The following RAD51 variants were observed in gnomAD, a reference collection of about 807,000 sequenced individuals.
The protein encoded by RAD51 is RAD51 recombinase.
A neutral mutation model predicts 41.5 loss-of-function variants in RAD51; 14 were observed. The ratio of observed to expected loss-of-function variants is 0.34; its 90% CI spans 0.22 to 0.53. The LOEUF (loss-of-function observed/expected upper bound fraction) is 0.53, where lower values mean the gene tolerates loss of function less well. Among genes scored for constraint, RAD51 ranks in the 20% least tolerant of loss-of-function variants. The pLI is 0.95. For missense variants in RAD51, 234 were observed against 422.0 expected, an observed-to-expected ratio of 0.55 and a Z score of 3.90; for synonymous variants, 136 against 148.6, an observed-to-expected ratio of 0.92 and a Z score of 0.62.
intron 5 of RAD51, among the ~76,000 whole-genome samples, chr15:40,716,752 C>T (rs1896012278): frequency 6.6e-6 from 1 of 150,742 alleles, no homozygotes; most frequent in Non-Finnish European, 1.5e-5. Context: ...GCTCTGCCTC[C>T]CAGGTTCACG....
chr15:40,709,266 C>A, intron 5 of RAD51, 150 bp downstream of exon 5: 7 of 648,236 alleles, frequency 1.1e-5, no homozygotes, highest in Non-Finnish European at 1.6e-5. Flanking sequence ...ACTCCTACTT[C>A]AAAATCCTTC....
intron 8 of RAD51, 45 bp downstream of exon 8, chr15:40,729,679 G>A (rs754218607): frequency 6.2e-7 from 1 of 1,612,800 alleles, no homozygotes; most frequent in Non-Finnish European, 8.5e-7. Context: ...TTCAGTGGCT[G>A]TGAATTCCAG....
intron 6 of RAD51, among the ~76,000 whole-genome samples, chr15:40,722,529 AGTT>A (rs148570921): frequency 0.082 from 12,381 of 151,700 alleles, 592 homozygotes; most frequent in African/African-American, 0.13. Context: ...GAGACTGGGG[AGTT>A]GTTGTTTAAT....
chr15:40,714,378 G>A (rs1895880391), intron 5 of RAD51, among the ~76,000 whole-genome samples: 1 of 152,132 alleles, frequency 6.6e-6, no homozygotes, highest in Non-Finnish European at 1.5e-5. Context: ...CCCATGTTTT[G>A]ACAGGGACTT....
chr15:40,730,641 C>T (rs747912954), intron 9 of RAD51, among the ~76,000 whole-genome samples: 21 of 150,222 alleles, frequency 1.4e-4, no homozygotes, highest in Non-Finnish European at 2.4e-4. Context: ...CCTGCCTCAG[C>T]CTCCCGAATA....
At chr15:40,724,342 A>T (rs947382051) in intron 6 of RAD51, among the ~76,000 whole-genome samples, 1 of 152,178 alleles carries the variant, frequency 6.6e-6, no homozygotes, top group African/African-American at 2.4e-5. Flanking sequence ...CAGAGTCACT[A>T]AAACATTCTC....
intron 5 of RAD51, among the ~76,000 whole-genome samples, chr15:40,712,645 A>G (rs888417795): frequency 6.6e-6 from 1 of 152,108 alleles, no homozygotes; most frequent in Non-Finnish European, 1.5e-5. Context: ...CCATGGACCA[A>G]CTCTTCTGTT....
At chr15:40,711,339 A>G (rs45556035) in intron 5 of RAD51, among the ~76,000 whole-genome samples, 226 of 152,314 alleles carry the variant, frequency 1.5e-3, no homozygotes, top group Non-Finnish European at 2.0e-3. Flanking sequence ...GAGGTGGTAG[A>G]ATCTCTTGAG....
chr15:40,697,609 ACT>A (rs1243917491), intron 1 of RAD51, among the ~76,000 whole-genome samples: 2 of 112,908 alleles, frequency 1.8e-5, no homozygotes, highest in Non-Finnish European at 3.4e-5. Context: ...ACGGAGTCTC[ACT>A]CTGTCGCCCA....
chr15:40,709,723 C>A (rs929521322), intron 5 of RAD51, among the ~76,000 whole-genome samples: 2 of 152,122 alleles, frequency 1.3e-5, no homozygotes, highest in South Asian at 2.1e-4. Flanking sequence ...TAAAGTAATT[C>A]TCTTGCAGAT....
At chr15:40,699,830 T>C (rs558050415) in intron 2 of RAD51, among the ~76,000 whole-genome samples, 1 of 152,278 alleles carries the variant, frequency 6.6e-6, no homozygotes, top group African/African-American at 2.4e-5. Flanking sequence ...TTTCTGCCCA[T>C]TGTATAGAGA....
At chr15:40,713,284 G>T (rs60223077) in intron 5 of RAD51, among the ~76,000 whole-genome samples, 250 of 138,406 alleles carry the variant, frequency 1.8e-3, no homozygotes, top group African/African-American at 6.5e-3. Context: ...AGTCTCTGTC[G>T]CCTAGGCAGG....
intron 1 of RAD51, among the ~76,000 whole-genome samples, chr15:40,697,660 C>T (rs1485363192): frequency 7.0e-6 from 1 of 143,724 alleles, no homozygotes; most frequent in Admixed American, 7.4e-5. Context: ...TCACTGCAAG[C>T]TCCGCCTCCT....
chr15:40,705,425 G>A (rs1251253720), intron 3 of RAD51, among the ~76,000 whole-genome samples: 1 of 152,136 alleles, frequency 6.6e-6, no homozygotes, highest in Non-Finnish European at 1.5e-5. Context: ...TGATAGAGGT[G>A]GGGAAGTAGC....
chr15:40,697,633 A>G (rs1894731024), intron 1 of RAD51, among the ~76,000 whole-genome samples: 1 of 131,058 alleles, frequency 7.6e-6, no homozygotes, highest in Admixed American at 9.3e-5. Flanking sequence ...GCTGGAGTGC[A>G]GTGGCGCGAT....
intron 3 of RAD51, among the ~76,000 whole-genome samples, chr15:40,702,137 A>T (rs773170817): frequency 8.5e-5 from 13 of 152,302 alleles, no homozygotes; most frequent in Admixed American, 2.6e-4. Flanking sequence ...TTAGCGTTAG[A>T]TAAATTTATT....
chr15:40,724,889 A>ATTTTTTTTTTTTTTTTTTTTTTTTCAT (rs34086110), intron 6 of RAD51, among the ~76,000 whole-genome samples: 1 of 55,410 alleles, frequency 1.8e-5, no homozygotes, highest in African/African-American at 8.4e-5. Flanking sequence ...ATTTTTTTTA[A>ATTTTTTTTTTTTTTTTTTTTTTTTCAT]TTTTTTTTTT....
chr15:40,728,740 A>C lies in RAD51; in HGVS notation c.560A>C (p.Asp187Ala). 6.2e-7 allele frequency: 1 copy of C among 1,614,064 alleles called. No individual in the cohort carries two copies. The highest frequency in any genetic ancestry group is 8.5e-7 in the Non-Finnish European group (1 of 1,179,994). Residue 187 changes from aspartate to alanine, a missense_variant, in exon 7 of 10, where the codon GAT becomes GCT. Asp to Ala is a moderately radical substitution (Grantham distance 126). Transcript: ENST00000267868. ...GGTCTCTCTGGCAGTGATGTCCTGG[A>C]TAATGTAGCATATGCTCGAGCGTTC... The part of the protein sequence containing the change: ...RYGLSGSDVL[D>A]NVAYARAFNT...
chr15:40,729,486 G>T lies in RAD51; in HGVS notation c.645-19G>T, dbSNP rs1405078476. On this transcript the variant is annotated intron_variant, in intron 7 of 9. Transcript: ENST00000267868. ...ACACAGGCTAGAAATAGGCTTCAGA[G>T]AATCCTTGTTTCCTGTAGGTATGCA... 7 of 1,609,026 alleles carry T rather than the reference G, an allele frequency of 4.4e-6. No homozygotes were observed. The highest frequency in any genetic ancestry group is 4.2e-6 in the Non-Finnish European group (5 of 1,177,052).
Sources: allele counts gnomAD v4.1 joint callset (sites outside exome capture counted in the v4.1 genomes callset), GRCh38; gene constraint gnomAD v4.1.1; transcripts MANE v1.5; gene names NCBI Gene and HGNC (gene_info 2026-07-23, HGNC 2026-07-21).